The following TNRC6A variants were observed in gnomAD, a reference collection of about 807,000 sequenced individuals.
The protein encoded by TNRC6A is trinucleotide repeat-containing gene 6A protein.
In TNRC6A, 44 loss-of-function variants were observed where a neutral mutation model predicts 221.2. That is an observed-to-expected ratio of 0.20 (90% confidence interval 0.16 to 0.26). TNRC6A has a LOEUF of 0.26. TNRC6A is among the 10% of genes least tolerant of loss of function. The probability of loss-of-function intolerance (pLI) is 1.00; values close to 1 mark genes in which losing one functional copy is unlikely to be tolerated. For synonymous variants in TNRC6A, 847 were observed against 838.5 expected, an observed-to-expected ratio of 1.01 and a Z score of -0.18; for missense variants, 2,199 against 2,404.4, an observed-to-expected ratio of 0.91 and a Z score of 1.79.
chr16:24,820,252 C>T lies in TNRC6A; in HGVS notation c.5194C>T (p.Arg1732Cys), dbSNP rs746208946. 17 of 1,614,118 alleles carry T rather than the reference C, an allele frequency of 1.1e-5. No homozygotes were observed. In the Admixed American group the frequency reaches 1.7e-4, roughly 16 times the overall value. Reference sequence around the variant, plus strand: ...ACCTAAAAACATCACTGCTCCGTCCCGCCCACCTCCGGGACTGACTGGTCA... The same window carrying T: ...ACCTAAAAACATCACTGCTCCGTCCTGCCCACCTCCGGGACTGACTGGTCA... The part of the protein sequence containing the change: ...LPPKNITAPS[R>C]PPPGLTGQKP... Residue 1732 changes from arginine to cysteine, a missense_variant, in exon 22 of 25, where the codon CGC (arginine) becomes TGC (cysteine). Arg to Cys is a radical substitution (Grantham distance 180). Coordinates refer to ENST00000395799, the MANE Select transcript of TNRC6A (RefSeq NM_014494.4).
At chr16:24,643,091 A>T (rs1198720545) in intron 2 of TNRC6A, among the ~76,000 whole-genome samples, 9 of 136,146 alleles carry the variant, frequency 6.6e-5, no homozygotes, top group African/African-American at 1.4e-4. Context: ...ATATATATAT[A>T]TTTTATATAT....
At chr16:24,666,385 A>G (rs995406376) in intron 2 of TNRC6A, among the ~76,000 whole-genome samples, 4 of 150,984 alleles carry the variant, frequency 2.6e-5, no homozygotes, top group African/African-American at 9.8e-5. Context: ...AAGCAGGAGA[A>G]TGGCATGAAC....
intron 20 of TNRC6A, among the ~76,000 whole-genome samples, chr16:24,817,414 T>C (rs1226466272): frequency 6.6e-6 from 1 of 152,204 alleles, no homozygotes; most frequent in South Asian, 2.1e-4. Context: ...AAAGACGTTA[T>C]ATTATTATAT....
At chr16:24,691,437 T>C (rs996282185) in intron 2 of TNRC6A, among the ~76,000 whole-genome samples, 3 of 152,032 alleles carry the variant, frequency 2.0e-5, no homozygotes. Context: ...ACAATGTAGA[T>C]TCTGGAGAAA....
rs750366066 is a variant in TNRC6A, at chr16:24,790,377, G to A, written c.1735G>A (p.Ala579Thr). Residue 579 changes from alanine (A) to threonine (T), a missense_variant, in exon 6 of 25, where the codon GCA becomes ACA. Physicochemically the swap from Ala to Thr is moderately conservative, Grantham distance 58. This residue lies in a region of TNRC6A where 1,405 missense variants were observed against 1,400.2 expected (regional missense o/e 1.00). Coordinates refer to ENST00000395799, the MANE Select transcript of TNRC6A (RefSeq NM_014494.4). ...AGGTGGTGTGTGGGAATCTGGTGCA[G>A]CAAACTCCCAGAGTACATCATGGGG... ...KGGGVWESGA[A>T]NSQSTSWGSG... 1.2e-6 allele frequency: 2 copies of A among 1,614,092 alleles called. No homozygotes were observed. The highest frequency in any genetic ancestry group is 2.7e-5 in the African/African-American group (2 of 74,934).
intron 2 of TNRC6A, among the ~76,000 whole-genome samples, chr16:24,700,148 A>T (rs530561792): frequency 6.6e-6 from 1 of 152,014 alleles, no homozygotes; most frequent in African/African-American, 2.4e-5. Context: ...TAATTTTAGC[A>T]CTTTGGGAAA....
At chr16:24,655,541 T>C (rs1481355785) in intron 2 of TNRC6A, among the ~76,000 whole-genome samples, 6 of 151,948 alleles carry the variant, frequency 3.9e-5, no homozygotes, top group Non-Finnish European at 7.4e-5. Context: ...ATACAAAAGT[T>C]AGCCAGGCGT....
intron 19 of TNRC6A, chr16:24,815,591 C>G: frequency 2.6e-6 from 1 of 381,544 alleles, no homozygotes; most frequent in Non-Finnish European, 5.0e-6. Flanking sequence ...CGCAGTGGCA[C>G]ATGCCAGTAA....
chr16:24,789,932 A>G lies in TNRC6A; in HGVS notation c.1290A>G (p.Glu430=). ...WGSLQETCES[E]VSGTQKVSFS... ...GCCTTCAGGAAACTTGTGAATCTGAAGTAAGTGGTACACAGAAGGTTTCAT... is the reference window on the plus strand; with the variant it reads ...GCCTTCAGGAAACTTGTGAATCTGAGGTAAGTGGTACACAGAAGGTTTCAT... The change falls in exon 6 of 25, where the codon GAA becomes GAG. Residue 430 remains glutamate (E), a synonymous_variant. Coordinates refer to ENST00000395799, the MANE Select transcript of TNRC6A (RefSeq NM_014494.4). The G allele has an allele frequency of 6.2e-7, 1 of 1,613,918 alleles. No homozygotes were observed. The highest frequency in any genetic ancestry group is 8.5e-7 in the Non-Finnish European group (1 of 1,179,940).
At chr16:24,710,911 T>C (rs192960494) in intron 2 of TNRC6A, among the ~76,000 whole-genome samples, 3 of 151,136 alleles carry the variant, frequency 2.0e-5, no homozygotes, top group Non-Finnish European at 2.9e-5. Flanking sequence ...AATCTCGCTC[T>C]GCCGCCCAGG....
At chr16:24,696,052 G>A (rs2055851822) in intron 2 of TNRC6A, among the ~76,000 whole-genome samples, 1 of 152,074 alleles carries the variant, frequency 6.6e-6, no homozygotes, top group Non-Finnish European at 1.5e-5. Context: ...CTTTTTATGT[G>A]GTTGAAAGTA....
chr16:24,711,042 A>AT (rs200430774), intron 2 of TNRC6A, among the ~76,000 whole-genome samples: 8,233 of 151,864 alleles, frequency 0.054, 304 homozygotes, highest in Middle Eastern at 0.075. Context: ...CACCGGGCAA[A>AT]TTTTTTGTAT....
At chr16:24,710,399 G>A (rs2056182694) in intron 2 of TNRC6A, among the ~76,000 whole-genome samples, 1 of 152,074 alleles carries the variant, frequency 6.6e-6, no homozygotes, top group African/African-American at 2.4e-5. Context: ...CTGGAGCCCA[G>A]GAGTTCAAGA....
At position 24,639,250 on chromosome 16, in the gene TNRC6A, C is replaced by T. The variant is rs951538160; in HGVS notation, n.277-1634C>T. Among the ~76,000 whole-genome samples, 12 of 151,894 alleles carry T rather than the reference C, an allele frequency of 7.9e-5. No individual in the cohort carries two copies. The South Asian group carries it at 1.5e-3, about 18-fold the overall frequency. ...CTGTGATTCCAAAACTTTAGGAGGC[C>T]GAGGCAGGAGAATTATGTGAAGCCA... On this transcript the variant is annotated intron_variant and non_coding_transcript_variant, in intron 1 of 2. Coordinates refer to the TNRC6A transcript ENST00000566108.
chr16:24,777,620 A>C (rs1048517848), intron 5 of TNRC6A, among the ~76,000 whole-genome samples: 2 of 152,214 alleles, frequency 1.3e-5, no homozygotes, highest in Admixed American at 1.3e-4. Flanking sequence ...AAAGTTGACT[A>C]TAAGACTGTA....
intron 2 of TNRC6A, among the ~76,000 whole-genome samples, chr16:24,732,926 A>T (rs1254907798): frequency 6.6e-6 from 1 of 152,196 alleles, no homozygotes; most frequent in Non-Finnish European, 1.5e-5. Context: ...GTTAATTTAA[A>T]CATCTTTTGG....
At chr16:24,808,064 A>G (rs2058470733) in intron 17 of TNRC6A, among the ~76,000 whole-genome samples, 1 of 152,220 alleles carries the variant, frequency 6.6e-6, no homozygotes, top group Admixed American at 6.5e-5. Context: ...TTCCCTTGTC[A>G]GTTACTACTG....
At chr16:24,675,700 C>A (rs79614129) in intron 2 of TNRC6A, among the ~76,000 whole-genome samples, 738 of 53,904 alleles carry the variant, frequency 0.014, 1 homozygote, top group Non-Finnish European at 0.018. Context: ...CTCTCTCTCT[C>A]TCTATATATA....
chr16:24,769,702 C>T (rs1003990709), intron 4 of TNRC6A, among the ~76,000 whole-genome samples: 1 of 152,138 alleles, frequency 6.6e-6, no homozygotes, highest in East Asian at 1.9e-4. Context: ...ACTATTGATG[C>T]ATTCAGCAGC....
Sources: allele counts gnomAD v4.1 joint callset (sites outside exome capture counted in the v4.1 genomes callset), GRCh38; gene constraint gnomAD v4.1.1; regional missense constraint gnomAD v4.1.1; transcripts MANE v1.5; gene names NCBI Gene and HGNC (gene_info 2026-07-23, HGNC 2026-07-21).